Variants in EML1 observed in about 807,000 individuals in gnomAD.
The protein encoded by EML1 is EMAP like 1.
A neutral mutation model predicts 110.4 loss-of-function variants in EML1; 27 were observed. The observed-to-expected ratio is 0.24, with a 90% CI of 0.18 to 0.34. The LOEUF is 0.34. EML1 is among the 10% of genes least tolerant of loss of function. The pLI is 1.00. For synonymous variants in EML1, 344 were observed against 385.8 expected (o/e 0.89, Z 1.27); for missense variants, 741 against 1,030.9 (o/e 0.72, Z 3.85).
chr14:99,789,612 A>C (rs1456183684), upstream of EML1, among the ~76,000 whole-genome samples: 1 of 152,208 alleles, frequency 6.6e-6, no homozygotes, highest in Non-Finnish European at 1.5e-5. Context: ...CCCAGCCCCA[A>C]GCATAGGGCC....
intron 4 of EML1, among the ~76,000 whole-genome samples, chr14:99,886,823 G>A (rs1353835564): frequency 6.6e-6 from 1 of 152,236 alleles, no homozygotes; most frequent in Non-Finnish European, 1.5e-5. Context: ...TTGAGTTGCA[G>A]CCTGGACACG....
intron 4 of EML1, among the ~76,000 whole-genome samples, chr14:99,884,155 G>A (rs530741545): frequency 6.6e-6 from 1 of 152,282 alleles, no homozygotes; most frequent in East Asian, 1.9e-4. Context: ...CGGTCGGCTC[G>A]CCACAGTGGC....
At chr14:99,910,472 CACAT>C in intron 12 of EML1, 131 bp downstream of exon 12, 1 of 667,984 alleles carries the variant, frequency 1.5e-6, no homozygotes, top group Non-Finnish European at 2.5e-6. Flanking sequence ...CAGAGACACA[CACAT>C]ACATGTGTGC....
chr14:99,809,429 A>C lies in EML1; in HGVS notation c.67+15886A>C, dbSNP rs956778741. ...GAAGCTGCTGACTTTGCAGTAGCGC[A>C]TACTTACTCACGCAATTTTCCATTC... is the stretch of plus-strand genomic sequence containing the variant. On this transcript the variant is annotated intron_variant, in intron 1 of 21. Coordinates refer to ENST00000262233, the MANE Select transcript of EML1 (RefSeq NM_004434.3). 1.5e-5 allele frequency: 5 copies of C among 327,298 alleles called. No individual in the cohort carries two copies. The Admixed American group carries it at 2.1e-4, about 14-fold the overall frequency. The allele number at this position is 327,298 out of a possible 1,614,324, so 20.3% of individuals were successfully genotyped here.
At chr14:99,828,744 T>G (rs2058401171) in intron 1 of EML1, among the ~76,000 whole-genome samples, 1 of 152,220 alleles carries the variant, frequency 6.6e-6, no homozygotes, top group Admixed American at 6.5e-5. Context: ...AAACAGTTGA[T>G]AAACACATAT....
In EML1 at chr14:99,936,431, T is replaced by C; in HGVS notation, c.2095+97T>C. On this transcript the variant is annotated intron_variant, in intron 19 of 21. Coordinates refer to ENST00000262233, the MANE Select transcript of EML1 (RefSeq NM_004434.3). The surrounding 1 kb of genome is among the most constrained non-coding windows in gnomAD (Gnocchi z 5.5). ...TGTGAGAACCCACCTCCTGTATGAC[T>C]TAGGCACGTGCCATCATCTCTAGGT... is the stretch of plus-strand genomic sequence containing the variant. The C allele has an allele frequency of 9.2e-7, 1 of 1,089,050 alleles. No homozygotes were observed. Among genetic ancestry groups the C allele is most frequent in the Non-Finnish European group, 1.4e-6 (1 of 731,330 alleles). The allele number at this position is 1,089,050 out of a possible 1,614,324, so 67.5% of individuals were successfully genotyped here. A position where few individuals can be genotyped will look rare whatever the true frequency, so the allele number is the denominator to read the frequency against.
Position 99,915,828 on chromosome 14 carries a change from C to T in EML1, c.1752+1131C>T, listed in dbSNP as rs184236981. 3.3e-5 allele frequency among the ~76,000 whole-genome samples: 5 copies of T among 152,202 alleles called. 1 individual carries two copies. The South Asian group carries it at 1.0e-3, about 31-fold the overall frequency. On this transcript the variant is annotated intron_variant, in intron 15 of 21. Coordinates refer to ENST00000262233, the MANE Select transcript of EML1 (RefSeq NM_004434.3). ...ATCCCATTGCACAGAGGAAATAGCCCTTCTGTAAACCAACACATCATCCTT... is the reference window on the plus strand; with the variant it reads ...ATCCCATTGCACAGAGGAAATAGCCTTTCTGTAAACCAACACATCATCCTT...
At chr14:99,885,120 C>T (rs534213942) in intron 4 of EML1, among the ~76,000 whole-genome samples, 6 of 152,362 alleles carry the variant, frequency 3.9e-5, no homozygotes, top group Non-Finnish European at 7.3e-5. Context: ...CTTTACACAG[C>T]ACTTGGTGAA....
intron 1 of EML1, among the ~76,000 whole-genome samples, chr14:99,845,307 A>G (rs2058690608): frequency 6.6e-6 from 1 of 151,702 alleles, no homozygotes. Flanking sequence ...TACCTGAATA[A>G]CCTCTTTGGT....
intron 1 of EML1, among the ~76,000 whole-genome samples, chr14:99,748,115 G>C (rs1446221096): frequency 6.6e-6 from 1 of 152,134 alleles, no homozygotes; most frequent in Non-Finnish European, 1.5e-5. Context: ...TGTGGCTGCA[G>C]CCAGGATTCC....
chr14:99,767,566 C>T (rs929056043), intron 1 of EML1, among the ~76,000 whole-genome samples: 12 of 152,080 alleles, frequency 7.9e-5, no homozygotes, highest in East Asian at 3.9e-4. Context: ...GCTGAGATCA[C>T]GCCACTGCAC....
intron 4 of EML1, among the ~76,000 whole-genome samples, chr14:99,881,841 C>T (rs543724249): frequency 2.6e-5 from 4 of 152,176 alleles, no homozygotes; most frequent in Non-Finnish European, 2.9e-5. Context: ...CCTTGTGATC[C>T]GCCCACCTCG....
intron 16 of EML1, among the ~76,000 whole-genome samples, chr14:99,920,291 C>T (rs977136630): frequency 1.2e-4 from 19 of 152,180 alleles, no homozygotes; most frequent in African/African-American, 4.3e-4. Context: ...CTGTTGGTTG[C>T]AGGCTAGCAT....
At chr14:99,810,271 T>G (rs1247109785) in intron 1 of EML1, among the ~76,000 whole-genome samples, 1 of 152,202 alleles carries the variant, frequency 6.6e-6, no homozygotes, top group Non-Finnish European at 1.5e-5. Context: ...CTCTGTTGAC[T>G]TTGCTAAATT....
chr14:99,763,164 T>C (rs2057332522), intron 1 of EML1, among the ~76,000 whole-genome samples: 1 of 152,200 alleles, frequency 6.6e-6, no homozygotes, highest in South Asian at 2.1e-4. Context: ...TGCTCCTCCT[T>C]GCCTTCTGCC....
chr14:99,930,476 A>G (rs2060348499), intron 17 of EML1, among the ~76,000 whole-genome samples: 1 of 152,210 alleles, frequency 6.6e-6, no homozygotes, highest in Admixed American at 6.5e-5. Context: ...GAGAATTTCC[A>G]TGGACCATTG....
chr14:99,756,017 C>T (rs536724272), intron 1 of EML1, among the ~76,000 whole-genome samples: 1 of 152,320 alleles, frequency 6.6e-6, no homozygotes, highest in South Asian at 2.1e-4. Context: ...CACGTGTGGC[C>T]CACAGCCCCT....
intron 2 of EML1, among the ~76,000 whole-genome samples, chr14:99,861,772 A>G (rs1047217785): frequency 1.3e-5 from 2 of 152,178 alleles, no homozygotes; most frequent in Non-Finnish European, 2.9e-5. Flanking sequence ...GTGAGCCACC[A>G]TGCCTGGCCT....
chr14:99,788,256 T>C (rs2057621769), intron 1 of EML1, among the ~76,000 whole-genome samples: 1 of 152,128 alleles, frequency 6.6e-6, no homozygotes, highest in Non-Finnish European at 1.5e-5. Context: ...TCTGTACAAT[T>C]ATTATATGTC....
Sources: gnomAD v4.1 joint callset for allele counts (sites outside exome capture counted in the v4.1 genomes callset) on GRCh38, gnomAD v4.1.1 for gene constraint, Gnocchi (gnomAD v3.1) non-coding constraint, MANE v1.5 for transcripts, NCBI Gene and HGNC (gene_info 2026-07-23, HGNC 2026-07-21) for gene names.